SF3A1: variants seen among roughly 807,000 people sequenced by gnomAD.
SF3A1 encodes SAP 114.
SF3A1 carries 13 observed loss-of-function variants against 89.9 expected under a neutral mutation model. The observed-to-expected ratio is 0.14, with a 90% CI of 0.09 to 0.23. SF3A1 has a LOEUF of 0.23. SF3A1 is among the 10% of genes least tolerant of loss of function. The probability of loss-of-function intolerance (pLI) is 1.00; values close to 1 mark genes in which losing one functional copy is unlikely to be tolerated. For missense variants in SF3A1, 604 were observed against 1,022.1 expected, an observed-to-expected ratio of 0.59 and a Z score of 5.58; for synonymous variants, 405 against 374.4, an observed-to-expected ratio of 1.08 and a Z score of -0.94.
intron 11 of SF3A1, among the ~76,000 whole-genome samples, chr22:30,338,390 G>A (rs1007736167): frequency 5.3e-5 from 8 of 151,776 alleles, no homozygotes; most frequent in African/African-American, 1.5e-4. Context: ...CTCGGGAGGC[G>A]GAGGTTGCGG....
rs1930975036 is a variant in SF3A1 at position 30,333,486 on chromosome 22, C to T, written c.*1108G>A. 6.6e-6 allele frequency: 1 copy of T among 152,256 alleles called. No homozygotes were observed. 9.4% of individuals were successfully genotyped at this position (152,256 alleles called of 1,614,324 possible). A position where few individuals can be genotyped will look rare whatever the true frequency, so the allele number is the denominator to read the frequency against. ...ACAGGCTCTCACCTTCCTCCAACAC[C>T]CACAGCATTGCCTATCTCCCTGTGA... is the stretch of plus-strand genomic sequence containing the variant. On this transcript the variant is annotated 3_prime_UTR_variant, in exon 16 of 16. Transcript: ENST00000215793.
At chr22:30,347,012 G>A (rs924880066) in intron 2 of SF3A1, among the ~76,000 whole-genome samples, 5 of 152,204 alleles carry the variant, frequency 3.3e-5, no homozygotes, top group Admixed American at 6.5e-5. Flanking sequence ...CTGGAGAGGT[G>A]TAAAAGGTAC....
At chr22:30,338,436 C>T (rs980152959) in intron 11 of SF3A1, among the ~76,000 whole-genome samples, 5 of 143,342 alleles carry the variant, frequency 3.5e-5, no homozygotes, top group African/African-American at 5.2e-5. Flanking sequence ...CCAGCCTGGG[C>T]GACAAGAGCA....
At chr22:30,338,016 C>T in intron 11 of SF3A1, 119 bp from the exon 12 acceptor site, 1 of 750,906 alleles carries the variant, frequency 1.3e-6, no homozygotes, top group African/African-American at 1.7e-5. Context: ...TACGTCCTGG[C>T]CCCCTGGGAC....
chr22:30,337,769 G>A lies in SF3A1; in HGVS notation c.1872C>T (p.Pro624=). ...IAPMPPIIHA[P]RINVVPMPPS... The stretch of plus-strand genomic sequence containing the variant: ...GAGGCATGGGCACCACGTTGATTCT[G>A]GGCGCGTGGATGATGGGCGGCATGG... The change falls in exon 12 of 16, where the codon CCC becomes CCT. Residue 624 remains proline (P), a synonymous_variant. Coordinates refer to ENST00000215793, the MANE Select transcript of SF3A1 (RefSeq NM_005877.6). 6.3e-7 allele frequency: 1 copy of A among 1,589,962 alleles called. No homozygotes were observed. The highest frequency in any genetic ancestry group is 8.5e-7 in the Non-Finnish European group (1 of 1,169,726).
In SF3A1 at chr22:30,333,968, T is replaced by TA. The variant is rs1467278640; in HGVS notation, c.*625dup. On this transcript the variant is annotated 3_prime_UTR_variant, in exon 16 of 16. Transcript: ENST00000215793. ...CCTGCCATGCTTCCTGTATTACTGT[T>TA]AAATACATGGGGCAGGCCTTTGGAG... The TA allele has an allele frequency of 6.6e-6, 1 of 152,156 alleles. No homozygotes were observed. The highest frequency in any genetic ancestry group is 2.4e-5 in the African/African-American group (1 of 41,410). The allele number at this position is 152,156 out of a possible 1,614,324, so 9.4% of individuals were successfully genotyped here.
In SF3A1 at chr22:30,332,492, C is replaced by A. The variant is rs1930947809; in HGVS notation, c.*2102G>T. The A allele has an allele frequency of 6.6e-6, 1 of 152,282 alleles. No individual in the cohort carries two copies. The highest frequency in any genetic ancestry group is 2.1e-4 in the South Asian group (1 of 4,836). The allele number at this position is 152,282 out of a possible 1,614,324, so 9.4% of individuals were successfully genotyped here. A position where few individuals can be genotyped will look rare whatever the true frequency, so the allele number is the denominator to read the frequency against. On this transcript the variant is annotated 3_prime_UTR_variant, in exon 16 of 16. Coordinates refer to ENST00000215793, the MANE Select transcript of SF3A1 (RefSeq NM_005877.6). The stretch of plus-strand genomic sequence containing the variant: ...CTGCTTTGGCTTTCCAGAGCACTCA[C>A]TGGCTACATGACCTTGGGTATTCCA...
rs1931083221 is a variant in SF3A1 at position 30,336,903 on chromosome 22, C to T, written c.2106+123G>A. ...CTCAGAAGCCCTTAGATGCCTCCAA[C>T]AGCTGACCTAGGCCCCAGAAGCCAA... is the stretch of plus-strand genomic sequence containing the variant. On this transcript the variant is annotated intron_variant, in intron 13 of 15. Coordinates refer to ENST00000215793, the MANE Select transcript of SF3A1 (RefSeq NM_005877.6). The T allele has an allele frequency of 1.2e-5, 13 of 1,118,236 alleles. No individual in the cohort carries two copies. The South Asian group carries it at 1.8e-4, about 15-fold the overall frequency. The allele number at this position is 1,118,236 out of a possible 1,614,324, so 69.3% of individuals were successfully genotyped here. A position where few individuals can be genotyped will look rare whatever the true frequency, so the allele number is the denominator to read the frequency against.
At position 30,342,635 on chromosome 22, in the gene SF3A1, T is replaced by C. The variant is rs576724298; in HGVS notation, c.726+170A>G. On this transcript the variant is annotated intron_variant, in intron 5 of 15. Transcript: ENST00000215793. ...GAGCAAAGCAGAAAGTTGTGGTATGTTGGGAAGCATCCGGACTCCAGGTTT... is the reference window on the plus strand; with the variant it reads ...GAGCAAAGCAGAAAGTTGTGGTATGCTGGGAAGCATCCGGACTCCAGGTTT... 84 of 630,306 alleles carry C rather than the reference T, an allele frequency of 1.3e-4. No individual in the cohort carries two copies. In the African/African-American group the frequency reaches 1.4e-3, roughly 10 times the overall value. 39.0% of individuals were successfully genotyped at this position (630,306 alleles called of 1,614,324 possible). A position where few individuals can be genotyped will look rare whatever the true frequency, so the allele number is the denominator to read the frequency against.
intron 9 of SF3A1, among the ~76,000 whole-genome samples, chr22:30,339,736 CAG>C (rs1272474522): frequency 6.6e-6 from 1 of 152,138 alleles, no homozygotes; most frequent in Non-Finnish European, 1.5e-5. Flanking sequence ...GCCTGGGAGA[CAG>C]AGTGAAACTC....
At position 30,340,350 on chromosome 22, in the gene SF3A1, T is replaced by G; in HGVS notation, c.1221A>C (p.Pro407=). The G allele has an allele frequency of 6.2e-7, 1 of 1,611,754 alleles. No individual in the cohort carries two copies. The change falls in exon 9 of 16, where the codon CCA becomes CCC. Residue 407 remains proline (P), a synonymous_variant. Transcript: ENST00000215793. The stretch of plus-strand genomic sequence containing the variant: ...TAATGGGGGACACAAGATACTCATC[T>G]GGAGCAGGGGCTGGAGGCAAGGGCT... The part of the protein sequence containing the change: ...ASKPLPPAPA[P]DEYLVSPITG...
At position 30,341,583 on chromosome 22, in the gene SF3A1, G is replaced by GA; in HGVS notation, c.1071+108_1071+109insT. 1.7e-5 allele frequency: 10 copies of GA among 599,280 alleles called. 3 individuals carry two copies. The highest frequency in any genetic ancestry group is 3.8e-5 in the South Asian group (2 of 53,176). 37.1% of individuals were successfully genotyped at this position (599,280 alleles called of 1,614,324 possible). A position where few individuals can be genotyped will look rare whatever the true frequency, so the allele number is the denominator to read the frequency against. On this transcript the variant is annotated intron_variant, in intron 7 of 15. Transcript: ENST00000215793. ...CTGTATGGCCTTGTTCAGGACCCAC[G>GA]CCTCCTTTCAAGGCTCACAGGGGAG...
chr22:30,337,071 T>A lies in SF3A1; in HGVS notation c.2061A>T (p.Thr687=). The A allele has an allele frequency of 6.2e-7, 1 of 1,614,200 alleles. No individual in the cohort carries two copies. The highest frequency in any genetic ancestry group is 1.1e-5 in the South Asian group (1 of 91,088). ...CCTCCTCTGGCATGAGGCTGTCCTCTGTCTTCAGTTTTTTGGAGGTGGGCT... is the reference window on the plus strand; with the variant it reads ...CCTCCTCTGGCATGAGGCTGTCCTCAGTCTTCAGTTTTTTGGAGGTGGGCT... ...EDEPTSKKLK[T]EDSLMPEEEF... Residue 687 remains threonine (T), a synonymous_variant, in exon 13 of 16, where the codon ACA becomes ACT. Coordinates refer to ENST00000215793, the MANE Select transcript of SF3A1 (RefSeq NM_005877.6).
At chr22:30,353,551 T>G (rs907401980) in intron 1 of SF3A1, among the ~76,000 whole-genome samples, 4 of 152,370 alleles carry the variant, frequency 2.6e-5, no homozygotes, top group African/African-American at 9.6e-5. Flanking sequence ...ACTGGTGTTA[T>G]CTGTAAATTC....
At chr22:30,348,841 TGG>T (rs1931498820) in intron 2 of SF3A1, among the ~76,000 whole-genome samples, 1 of 152,244 alleles carries the variant, frequency 6.6e-6, no homozygotes, top group Non-Finnish European at 1.5e-5. Flanking sequence ...AAAGGGGCCC[TGG>T]TTGTCTCCTG....
intron 12 of SF3A1, 83 bp from the exon 13 acceptor site, chr22:30,337,263 T>C (rs1446582302): frequency 1.8e-5 from 23 of 1,293,674 alleles, no homozygotes; most frequent in Non-Finnish European, 2.2e-5. Flanking sequence ...AGAGGGAAGG[T>C]TGCAAAGGTT....
Position 30,356,727 on chromosome 22 carries a change from T to C in SF3A1, c.63+3A>G. Reference sequence around the variant, plus strand: ...TGCAGGCTGAGGGGCGGGGGAGAGGTACCTGTTTGGGCTCCGTGGGCACGG... The same window carrying C: ...TGCAGGCTGAGGGGCGGGGGAGAGGCACCTGTTTGGGCTCCGTGGGCACGG... On this transcript the variant is annotated splice_donor_region_variant and intron_variant, in intron 1 of 15. Coordinates refer to ENST00000215793, the MANE Select transcript of SF3A1 (RefSeq NM_005877.6). The C allele has an allele frequency of 1.3e-6, 2 of 1,485,006 alleles. No homozygotes were observed. The highest frequency in any genetic ancestry group is 1.8e-6 in the Non-Finnish European group (2 of 1,113,178). 92.0% of individuals were successfully genotyped at this position (1,485,006 alleles called of 1,614,324 possible). A position where few individuals can be genotyped will look rare whatever the true frequency, so the allele number is the denominator to read the frequency against.
At chr22:30,337,585 C>A (rs1296493764) in intron 12 of SF3A1, 105 bp downstream of exon 12, 16 of 728,644 alleles carry the variant, frequency 2.2e-5, no homozygotes, top group East Asian at 5.4e-5. Context: ...GGGCTGGATA[C>A]CCTGCTGGAA....
chr22:30,334,577 C>T lies in SF3A1; in HGVS notation c.*17G>A, dbSNP rs2145798794. ...GAGAGGCAAAATGGCAGGGACTTGA[C>T]AGCAGGTTCCTCTTGTCTACTTCTT... On this transcript the variant is annotated 3_prime_UTR_variant, in exon 16 of 16. Coordinates refer to ENST00000215793, the MANE Select transcript of SF3A1 (RefSeq NM_005877.6). 6.6e-7 allele frequency: 1 copy of T among 1,522,982 alleles called. No individual in the cohort carries two copies. The highest frequency in any genetic ancestry group is 8.8e-7 in the Non-Finnish European group (1 of 1,132,078). 94.3% of individuals were successfully genotyped at this position (1,522,982 alleles called of 1,614,324 possible).
Sources: allele counts gnomAD v4.1 joint callset (sites outside exome capture counted in the v4.1 genomes callset), GRCh38; gene constraint gnomAD v4.1.1; transcripts MANE v1.5; gene names NCBI Gene and HGNC (gene_info 2026-07-23, HGNC 2026-07-21).